The following USB1 variants were observed in gnomAD, a reference collection of about 807,000 sequenced individuals.
USB1 encodes the protein U6 snRNA biogenesis phosphodiesterase 1.
USB1 carries 21 observed loss-of-function variants against 29.9 expected under a neutral mutation model. The ratio of observed to expected loss-of-function variants is 0.70; its 90% CI spans 0.50 to 1.01. The LOEUF is 1.01. USB1 is among the 50% of genes least tolerant of loss of function. The pLI is 0.00. For missense variants in USB1, 330 were observed against 347.1 expected (o/e 0.95, Z 0.39); for synonymous variants, 143 against 134.9 (o/e 1.06, Z -0.42).
intron 3 of USB1, chr16:58,012,259 CT>C: frequency 6.5e-7 from 1 of 1,534,452 alleles, no homozygotes; most frequent in Non-Finnish European, 8.7e-7. Context: ...AGCCCTCCCC[CT>C]CTTTGGATTG....
intron 2 of USB1, among the ~76,000 whole-genome samples, chr16:58,006,406 T>C (rs1196245564): frequency 1.4e-5 from 2 of 143,340 alleles, no homozygotes; most frequent in Non-Finnish European, 3.0e-5. Flanking sequence ...ACACCTGTAA[T>C]CCCAGCACTT....
chr16:58,007,450 C>T (rs151299429), intron 2 of USB1, among the ~76,000 whole-genome samples: 1,570 of 152,142 alleles, frequency 0.01, 36 homozygotes, highest in African/African-American at 0.036. Flanking sequence ...GGCATGATCT[C>T]GGCTCACTGC....
chr16:58,017,795 C>T (rs1401983677), intron 5 of USB1, among the ~76,000 whole-genome samples: 1 of 152,212 alleles, frequency 6.6e-6, no homozygotes, highest in Non-Finnish European at 1.5e-5. Context: ...TAGCTTCACA[C>T]ACCTTCCTGC....
At position 58,020,484 on chromosome 16, in the gene USB1, CCTCT is replaced by C. The variant is rs549920112; in HGVS notation, c.*242_*245del. On this transcript the variant is annotated 3_prime_UTR_variant, in exon 7 of 7. Transcript: ENST00000219281. ...TTCTCTCCTCTGTCTCTCTTCCTCT[CCTCT>C]CTTCCTCTCTTCTCTCTTCCTCTCC... The C allele has an allele frequency of 7.1e-6, 4 of 561,664 alleles. No individual in the cohort carries two copies. The highest frequency in any genetic ancestry group is 3.1e-5 in the East Asian group (1 of 32,630). The allele number at this position is 561,664 out of a possible 1,614,324, so 34.8% of individuals were successfully genotyped here.
intron 4 of USB1, chr16:58,016,727 G>A (rs1963624896): frequency 5.7e-6 from 1 of 174,960 alleles, no homozygotes; most frequent in African/African-American, 2.4e-5. Flanking sequence ...ACAGCGAAGT[G>A]TCCCTTGGAT....
intron 4 of USB1, 173 bp from the exon 5 acceptor site, chr16:58,017,161 G>A: frequency 1.5e-6 from 1 of 661,856 alleles, no homozygotes; most frequent in Non-Finnish European, 2.8e-6. Flanking sequence ...TACAGACAGA[G>A]AATCTGAGGA....
intron 3 of USB1, chr16:58,011,294 A>T (rs923511663): frequency 2.1e-6 from 3 of 1,429,936 alleles, no homozygotes; most frequent in Admixed American, 2.7e-5. Context: ...CTGGGGGCCT[A>T]TGGGGGTGAA....
At chr16:58,000,934 C>T (rs540101558), upstream of USB1, among the ~76,000 whole-genome samples, 2 of 152,228 alleles carry the variant, frequency 1.3e-5, no homozygotes, top group Non-Finnish European at 2.9e-5. The surrounding 1 kb of genome is among the most constrained non-coding windows in gnomAD (Gnocchi z 4.5). Context: ...CTCCGGGTGA[C>T]CGCCCTCGGC....
At chr16:58,000,201 G>A (rs1963134235), upstream of USB1, among the ~76,000 whole-genome samples, 1 of 152,264 alleles carries the variant, frequency 6.6e-6, no homozygotes. This position sits in a 1 kb window ranked among gnomAD's most constrained non-coding sequence, Gnocchi z 4.5. Flanking sequence ...AGGGCGGCCG[G>A]GCTGGAGAAA....
In USB1 at chr16:58,004,885, G is replaced by A. The variant is rs1597044661; in HGVS notation, c.265+2240G>A. On this transcript the variant is annotated intron_variant, in intron 2 of 6. Coordinates refer to ENST00000219281, the MANE Select transcript of USB1 (RefSeq NM_024598.4). Reference sequence around the variant, plus strand: ...GGGACCACTACTACCAAGACGCGGAGACCGGTAGTGGCCTCGAATGCCAGG... The same window carrying A: ...GGGACCACTACTACCAAGACGCGGAAACCGGTAGTGGCCTCGAATGCCAGG... 2.0e-5 allele frequency among the ~76,000 whole-genome samples: 3 copies of A among 152,296 alleles called. 1 individual carries two copies. Among genetic ancestry groups the A allele is most frequent in the Admixed American group, 2.0e-4 (3 of 15,298 alleles).
chr16:58,006,163 A>G (rs199546426), intron 2 of USB1, among the ~76,000 whole-genome samples: 1 of 151,306 alleles, frequency 6.6e-6, no homozygotes, highest in African/African-American at 2.4e-5. Context: ...GACCAGCCTG[A>G]CCAACATGGA....
intron 5 of USB1, among the ~76,000 whole-genome samples, chr16:58,018,177 T>A (rs2142312539): frequency 6.6e-6 from 1 of 152,076 alleles, no homozygotes; most frequent in East Asian, 1.9e-4. Context: ...TTTTGCACAG[T>A]TCTGGAGGCT....
At chr16:58,001,720 G>A (rs1380526518) in intron 1 of USB1, 139 bp downstream of exon 1, 37 of 1,044,756 alleles carry the variant, frequency 3.5e-5, no homozygotes, top group Non-Finnish European at 4.7e-5. Flanking sequence ...GAAGAAAGGA[G>A]GATCCAGAAG....
intron 3 of USB1, chr16:58,012,089 G>T: frequency 7.3e-7 from 1 of 1,374,200 alleles, no homozygotes; most frequent in Non-Finnish European, 9.4e-7. Context: ...CCACAGTTCA[G>T]GGGGCCATAG....
intron 5 of USB1, among the ~76,000 whole-genome samples, 176 bp downstream of exon 5, chr16:58,017,615 G>T (rs1963647517): frequency 1.3e-5 from 2 of 152,344 alleles, no homozygotes; most frequent in Non-Finnish European, 2.9e-5. Flanking sequence ...TTGAGGTGTA[G>T]TCAGATGCAG....
intron 2 of USB1, among the ~76,000 whole-genome samples, chr16:58,007,851 C>T (rs1211324445): frequency 1.3e-5 from 2 of 151,672 alleles, no homozygotes; most frequent in Non-Finnish European, 2.9e-5. Context: ...TGCTTGGTGG[C>T]GGGTGCCTGT....
At chr16:58,001,004 G>T (rs1963171067), upstream of USB1, among the ~76,000 whole-genome samples, 1 of 152,078 alleles carries the variant, frequency 6.6e-6, no homozygotes, top group African/African-American at 2.4e-5. Flanking sequence ...CAATTGATCC[G>T]CCCCTAACTG....
At chr16:58,019,786 C>G (rs1321717933) in intron 6 of USB1, among the ~76,000 whole-genome samples, 2 of 152,212 alleles carry the variant, frequency 1.3e-5, no homozygotes, top group Non-Finnish European at 2.9e-5. Context: ...AACGTGCAGG[C>G]TGGATGCAGC....
intron 4 of USB1, chr16:58,016,339 T>A (rs2142310573): frequency 6.6e-6 from 1 of 152,318 alleles, no homozygotes; most frequent in Non-Finnish European, 1.5e-5. Context: ...AAAGCAAAAG[T>A]GCTGCTTTGT....
Sources: gnomAD v4.1 joint callset for allele counts (sites outside exome capture counted in the v4.1 genomes callset) on GRCh38, gnomAD v4.1.1 for gene constraint, Gnocchi (gnomAD v3.1) non-coding constraint, MANE v1.5 for transcripts, NCBI Gene and HGNC (gene_info 2026-07-23, HGNC 2026-07-21) for gene names.